COL16A1: variants seen among roughly 807,000 people sequenced by gnomAD.
The protein encoded by COL16A1 is collagen alpha-1(XVI) chain.
Under a neutral mutation model 266.3 loss-of-function variants are expected in COL16A1, and 189 were observed. The ratio of observed to expected loss-of-function variants is 0.71; its 90% CI spans 0.63 to 0.80. The LOEUF (loss-of-function observed/expected upper bound fraction) is 0.80, where lower values mean the gene tolerates loss of function less well. Ranked by LOEUF, COL16A1 falls within the 30% of genes least tolerant of loss-of-function variation. The pLI is 0.00. For missense variants in COL16A1, 1,928 were observed against 2,122.4 expected, an observed-to-expected ratio of 0.91 and a Z score of 1.80; for synonymous variants, 740 against 782.3, an observed-to-expected ratio of 0.95 and a Z score of 0.90.
chr1:31,698,218 G>C lies in COL16A1; in HGVS notation c.391-46C>G, dbSNP rs564983679. On this transcript the variant is annotated intron_variant, in intron 5 of 70. Transcript: ENST00000373672. This position sits in a 1 kb window ranked among gnomAD's most constrained non-coding sequence, Gnocchi z 4.1. ...GAAAGGACAGAGATTCAGAGCTCCAGAGTCACACCATGGGCACGTTCAGGG... is the reference window on the plus strand; with the variant it reads ...GAAAGGACAGAGATTCAGAGCTCCACAGTCACACCATGGGCACGTTCAGGG... 19 of 1,606,344 alleles carry C rather than the reference G, an allele frequency of 1.2e-5. No homozygotes were observed. The East Asian group carries it at 4.0e-4, about 34-fold the overall frequency.
Position 31,692,599 on chromosome 1 carries a change from A to G in COL16A1, c.1157T>C (p.Leu386Pro), listed in dbSNP as rs759332183. The change falls in exon 15 of 71, where the codon CTG becomes CCG. Residue 386 changes from leucine to proline, a missense_variant and splice_region_variant. By Grantham distance (98) the Leu-to-Pro change is moderately conservative (BLOSUM62 -3). This residue lies in a region of COL16A1 where 1,552 missense variants were observed against 1,637.2 expected (regional missense o/e 0.95). Transcript: ENST00000373672. Reference sequence around the variant, plus strand: ...CCCTATCCCTGGTCCCACACTCACCAGAGCTCCTGACTCCCCCTTCTCTCC... The same window carrying G: ...CCCTATCCCTGGTCCCACACTCACCGGAGCTCCTGACTCCCCCTTCTCTCC... ...PKGEKGESGA[L>P]GPSGLPGSTG... is the part of the protein sequence containing the mutation. 109 of 1,614,004 alleles carry G rather than the reference A, an allele frequency of 6.8e-5. 1 individual carries two copies. In the South Asian group the frequency reaches 1.2e-3, roughly 18 times the overall value.
rs148785521 is a variant in COL16A1, at chr1:31,653,980, C to A, written c.4421G>T (p.Arg1474Leu). ...ACCATCCTTCCCTGGAGGCCCTGGT[C>A]GTCCCGGAGCTGCCGCCATCTCCAT... is the stretch of plus-strand genomic sequence containing the variant. ...FPMEMAAAPGRPGPPGKDGAP... is the reference protein window; with the variant it reads ...FPMEMAAAPGLPGPPGKDGAP... Residue 1474 changes from arginine (R) to leucine (L), a missense_variant, in exon 69 of 71, where the codon CGA becomes CTA. Transcript: ENST00000373672. 19 of 1,614,076 alleles carry A rather than the reference C, an allele frequency of 1.2e-5. No homozygotes were observed. The African/African-American group carries it at 2.1e-4, about 18-fold the overall frequency.
chr1:31,666,203 C>G, intron 52 of COL16A1, 122 bp from the exon 53 acceptor site: 1 of 1,055,014 alleles, frequency 9.5e-7, no homozygotes, highest in East Asian at 2.5e-5. Context: ...CCTGGGCTGG[C>G]AGGCCCCCTC....
intron 62 of COL16A1, 119 bp from the exon 63 acceptor site, chr1:31,659,083 C>G (rs1641420886): frequency 5.4e-6 from 5 of 925,446 alleles, no homozygotes; most frequent in South Asian, 1.5e-5. Flanking sequence ...CCTCTGGAAA[C>G]CTTCCTTCGC....
chr1:31,683,716 C>T lies in COL16A1; in HGVS notation c.2370G>A (p.Gln790=). 2.5e-6 allele frequency: 4 copies of T among 1,614,152 alleles called. No individual in the cohort carries two copies. Among genetic ancestry groups the T allele is most frequent in the Non-Finnish European group, 3.4e-6 (4 of 1,180,016 alleles). The change falls in exon 34 of 71, where the codon CAG becomes CAA. Residue 790 remains glutamine, a synonymous_variant. Transcript: ENST00000373672. ...AGGGCTAGAGACTCACCTGGGGTCC[C>T]TGGACTCCCCTTCCTGGAGGCCCTG... ...GEPGPPGRGV[Q]GPQGEPGAPG...
rs1287297163 is a variant in COL16A1, at chr1:31,657,143, G to A, written c.4021-75C>T. 1 of 1,581,958 alleles carries A rather than the reference G, an allele frequency of 6.3e-7. No homozygotes were observed. The highest frequency in any genetic ancestry group is 8.7e-7 in the Non-Finnish European group (1 of 1,151,566). ...TGTCAGATGCCTCACTTTGTACATG[G>A]GGCAAGCCCAGCCCCCTGTTCCACC... On this transcript the variant is annotated intron_variant, in intron 64 of 70. Coordinates refer to ENST00000373672, the MANE Select transcript of COL16A1 (RefSeq NM_001856.4). This position sits in a 1 kb window ranked among gnomAD's most constrained non-coding sequence, Gnocchi z 6.4.
chr1:31,654,960 T>A, intron 67 of COL16A1, 102 bp from the exon 68 acceptor site: 217 of 499,820 alleles, frequency 4.3e-4, no homozygotes, highest in Non-Finnish European at 6.6e-4. Flanking sequence ...CCCAGGAGCC[T>A]CCCACAGATT....
chr1:31,686,534 A>G (rs1022534732), intron 26 of COL16A1, among the ~76,000 whole-genome samples: 1 of 152,248 alleles, frequency 6.6e-6, no homozygotes, highest in African/African-American at 2.4e-5. Context: ...CACAAAAATC[A>G]CGAAGGCATT....
chr1:31,680,734 CTCCTCCACCCCCA>C (rs1643572653), intron 39 of COL16A1, among the ~76,000 whole-genome samples, 158 bp downstream of exon 39: 1 of 152,134 alleles, frequency 6.6e-6, no homozygotes, highest in Non-Finnish European at 1.5e-5. Context: ...CCCAGGATGC[CTCCTCCACCCCCA>C]TCCTCCAGTC....
In COL16A1 at chr1:31,666,073, T is replaced by G. The variant is rs986527953; in HGVS notation, c.3366A>C (p.Pro1122=). ...SAGEKGEPGP[P]GSEGLPGPPG... ...GGGGGCCTGGGAGGCCTTCAGATCC[T>G]GGGGGGCCCTAAGGATACAAAGGAA... The change falls in exon 53 of 71, where the codon CCA becomes CCC. Residue 1122 remains proline, a synonymous_variant. Coordinates refer to ENST00000373672, the MANE Select transcript of COL16A1 (RefSeq NM_001856.4). The G allele has an allele frequency of 1.2e-5, 20 of 1,611,360 alleles. No homozygotes were observed. The highest frequency in any genetic ancestry group is 1.7e-5 in the Non-Finnish European group (20 of 1,179,308).
chr1:31,681,290 G>A (rs1041411413), intron 37 of COL16A1, among the ~76,000 whole-genome samples: 4 of 152,224 alleles, frequency 2.6e-5, no homozygotes, highest in South Asian at 2.1e-4. Flanking sequence ...CCAAGTACCC[G>A]TCGGGGAACA....
In COL16A1 at chr1:31,664,118, G is replaced by A. The variant is rs1212514797; in HGVS notation, c.3555+1054C>T. Reference sequence around the variant, plus strand: ...GGATTCTCTGCAATGACCAGCCTAAGGAGAGCAGGGGCTGCCACTCAGGTC... The same window carrying A: ...GGATTCTCTGCAATGACCAGCCTAAAGAGAGCAGGGGCTGCCACTCAGGTC... On this transcript the variant is annotated intron_variant, in intron 56 of 70. Transcript: ENST00000373672. The surrounding 1 kb of genome is among the most constrained non-coding windows in gnomAD (Gnocchi z 5.5). Among the ~76,000 whole-genome samples, 5 of 148,774 alleles carry A rather than the reference G, an allele frequency of 3.4e-5. No homozygotes were observed. Among genetic ancestry groups the A allele is most frequent in the Non-Finnish European group, 7.5e-5 (5 of 67,022 alleles).
chr1:31,702,264 G>T, intron 1 of COL16A1, 37 bp from the exon 2 acceptor site: 1 of 1,605,622 alleles, frequency 6.2e-7, no homozygotes, highest in East Asian at 2.2e-5. Context: ...GGATTTCTGA[G>T]TTCACACAGC....
intron 60 of COL16A1, 102 bp downstream of exon 60, chr1:31,661,312 C>T: frequency 2.5e-6 from 4 of 1,583,970 alleles, no homozygotes; most frequent in Non-Finnish European, 2.6e-6. Context: ...GGCTCTGATG[C>T]TGGGATGGCC....
intron 42 of COL16A1, 143 bp from the exon 43 acceptor site, chr1:31,675,454 T>C: frequency 7.8e-7 from 1 of 1,288,774 alleles, no homozygotes; most frequent in Non-Finnish European, 1.1e-6. Context: ...TGACATCTAT[T>C]CTTAGCTCAA....
intron 52 of COL16A1, chr1:31,666,376 T>C (rs1348488606): frequency 9.6e-6 from 4 of 416,072 alleles, no homozygotes; most frequent in Non-Finnish European, 1.7e-5. Flanking sequence ...AAACACCTTA[T>C]GCGGCTCCCT....
In COL16A1 at chr1:31,653,961, C is replaced by T. The variant is rs1486214780; in HGVS notation, c.4440G>A (p.Lys1480=). ...AAPGRPGPPG[K]DGAPGRPGAP... ...CACCTGGCCTGCCCGGAGCACCATC[C>T]TTCCCTGGAGGCCCTGGTCGTCCCG... The change falls in exon 69 of 71, where the codon AAG becomes AAA. Residue 1480 remains lysine (K), a synonymous_variant. Transcript: ENST00000373672. 6.2e-7 allele frequency: 1 copy of T among 1,614,204 alleles called. No individual in the cohort carries two copies. Among genetic ancestry groups the T allele is most frequent in the Admixed American group, 1.7e-5 (1 of 60,024 alleles).
intron 12 of COL16A1, 31 bp downstream of exon 12, chr1:31,694,113 C>T (rs747032264): frequency 2.7e-5 from 43 of 1,593,414 alleles, no homozygotes; most frequent in South Asian, 2.2e-4. Flanking sequence ...CTAAAGAGGA[C>T]GGGAATGTCC....
At chr1:31,701,292 C>A (rs575617565) in intron 2 of COL16A1, 4 of 983,060 alleles carry the variant, frequency 4.1e-6, no homozygotes, top group African/African-American at 1.7e-5. Flanking sequence ...CCCATCCCCC[C>A]CAGGGGACCC....
Sources: allele counts gnomAD v4.1 joint callset (sites outside exome capture counted in the v4.1 genomes callset), GRCh38; gene constraint gnomAD v4.1.1; regional missense constraint gnomAD v4.1.1; non-coding constraint Gnocchi (gnomAD v3.1); transcripts MANE v1.5; gene names NCBI Gene and HGNC (gene_info 2026-07-23, HGNC 2026-07-21).